Variants in C2orf92 observed in about 807,000 individuals in gnomAD.
C2orf92 encodes chromosome 2 open reading frame 92, also known as uncharacterized protein C2orf92.
At chr2:97,687,409 TACCACCACC>T (rs897502034) in intron 3 of C2orf92, among the ~76,000 whole-genome samples, 4 of 152,024 alleles carry the variant, frequency 2.6e-5, no homozygotes, top group East Asian at 1.9e-4. Flanking sequence ...AAGTGTATTT[TACCACCACC>T]ACCACCACCA....
intron 6 of C2orf92, 148 bp from the exon 7 acceptor site, chr2:97,701,006 C>T (rs1275591505): frequency 2.8e-6 from 1 of 359,276 alleles, no homozygotes. Flanking sequence ...GCTGGGATTA[C>T]AGGCGTGAGC....
At chr2:97,671,889 A>T (rs183000865) in intron 1 of C2orf92, 1 of 168,500 alleles carries the variant, frequency 5.9e-6, no homozygotes, top group Admixed American at 6.4e-5. Flanking sequence ...AACAATTGAG[A>T]CATTCCACAC....
upstream of C2orf92, among the ~76,000 whole-genome samples, chr2:97,666,592 C>G (rs1218808544): frequency 6.6e-6 from 1 of 151,152 alleles, no homozygotes; most frequent in Non-Finnish European, 1.5e-5. Flanking sequence ...CGTGTAATCC[C>G]AGTACTTGTG....
At chr2:97,683,463 G>A (rs1012789106) in intron 3 of C2orf92, among the ~76,000 whole-genome samples, 3 of 151,596 alleles carry the variant, frequency 2.0e-5, no homozygotes, top group Non-Finnish European at 4.4e-5. Context: ...CACTTGGGAG[G>A]CTGAGGCAAG....
At chr2:97,694,650 G>A (rs910830884) in intron 5 of C2orf92, 1 of 152,026 alleles carries the variant, frequency 6.6e-6, no homozygotes, top group African/African-American at 2.4e-5. Flanking sequence ...ATGGATATTT[G>A]GGTTGTTTCC....
At chr2:97,701,400 G>C (rs2104611457) in intron 7 of C2orf92, 96 bp downstream of exon 7, 2 of 393,896 alleles carry the variant, frequency 5.1e-6, no homozygotes, top group Middle Eastern at 6.4e-4. Context: ...TTACGAGGAG[G>C]GCAGAAGCTG....
chr2:97,676,764 T>G, intron 3 of C2orf92, among the ~76,000 whole-genome samples: 1 of 148,604 alleles, frequency 6.7e-6, no homozygotes, highest in East Asian at 1.9e-4. Flanking sequence ...AGAGCTGTAC[T>G]GTCTATTAAA....
At chr2:97,664,033 G>C (rs1449448801), upstream of C2orf92, 1 of 379,904 alleles carries the variant, frequency 2.6e-6, no homozygotes, top group African/African-American at 2.2e-5. Context: ...CGCGAGCCCC[G>C]CGGGGCTTTC....
In C2orf92 at chr2:97,701,240, A is replaced by G. The variant is rs1676486535; in HGVS notation, c.601A>G (p.Ile201Val). 1 of 399,108 alleles carries G rather than the reference A, an allele frequency of 2.5e-6. No homozygotes were observed. Among genetic ancestry groups the G allele is most frequent in the South Asian group, 1.3e-4 (1 of 7,858 alleles). 24.7% of individuals were successfully genotyped at this position (399,108 alleles called of 1,614,324 possible). A position where few individuals can be genotyped will look rare whatever the true frequency, so the allele number is the denominator to read the frequency against. ...TIIAAVSGVA[I>V]LMAIVLLLLG... ...CATCGCCGCCGTCTCAGGGGTGGCC[A>G]TCCTCATGGCCATCGTGCTGTTGCT... is the stretch of plus-strand genomic sequence containing the variant. The change falls in exon 7 of 8, where the codon ATC becomes GTC. Residue 201 changes from isoleucine (I) to valine (V), a missense_variant. Coordinates refer to ENST00000627399, the MANE Select transcript of C2orf92 (RefSeq NM_001351368.2).
intron 3 of C2orf92, among the ~76,000 whole-genome samples, chr2:97,688,371 G>A (rs1042576364): frequency 2.6e-5 from 4 of 152,136 alleles, no homozygotes; most frequent in Non-Finnish European, 5.9e-5. Context: ...AAAGCCTAGA[G>A]GGGAAGGTAA....
chr2:97,698,258 C>G (rs768331002), intron 5 of C2orf92, among the ~76,000 whole-genome samples: 14 of 152,198 alleles, frequency 9.2e-5, no homozygotes, highest in Non-Finnish European at 1.5e-4. Flanking sequence ...AGCCTCTTCC[C>G]AGGCCATCCT....
At chr2:97,683,896 G>A (rs1014672434) in intron 3 of C2orf92, among the ~76,000 whole-genome samples, 37 of 151,826 alleles carry the variant, frequency 2.4e-4, no homozygotes, top group Non-Finnish European at 4.1e-4. Context: ...TCACTCTGTC[G>A]CCCAGGCTGG....
At chr2:97,678,523 T>A (rs1415990129) in intron 3 of C2orf92, among the ~76,000 whole-genome samples, 1 of 151,968 alleles carries the variant, frequency 6.6e-6, no homozygotes, top group Non-Finnish European at 1.5e-5. Context: ...TAGCAAATTG[T>A]CAAAATCCAG....
chr2:97,691,956 CT>C (rs1242080723), intron 5 of C2orf92, among the ~76,000 whole-genome samples: 1 of 152,140 alleles, frequency 6.6e-6, no homozygotes, highest in Non-Finnish European at 1.5e-5. Flanking sequence ...ACTAGTTCCC[CT>C]TTTGCAGTTT....
chr2:97,699,749 C>T (rs1289970313), intron 6 of C2orf92, among the ~76,000 whole-genome samples: 1 of 152,256 alleles, frequency 6.6e-6, no homozygotes, highest in Non-Finnish European at 1.5e-5. Flanking sequence ...TGGGCAGAAG[C>T]TCACCCATGC....
At chr2:97,687,967 C>T (rs944857980) in intron 3 of C2orf92, among the ~76,000 whole-genome samples, 6 of 151,238 alleles carry the variant, frequency 4.0e-5, no homozygotes, top group Non-Finnish European at 8.8e-5. Flanking sequence ...TCTCTGAATT[C>T]GGCCCCATAT....
chr2:97,701,026 C>T (rs562844534), intron 6 of C2orf92, 128 bp from the exon 7 acceptor site: 86 of 382,150 alleles, frequency 2.3e-4, no homozygotes, highest in East Asian at 3.7e-4. Flanking sequence ...CCACCGCGCC[C>T]GGCCGAGATG....
chr2:97,665,162 A>T (rs1675165957), upstream of C2orf92, among the ~76,000 whole-genome samples: 1 of 152,192 alleles, frequency 6.6e-6, no homozygotes, highest in Non-Finnish European at 1.5e-5. Context: ...CAGCTGCTTC[A>T]AGAGTGCAGG....
At position 97,701,316 on chromosome 2, in the gene C2orf92, T is replaced by C. The variant is rs1021201829; in HGVS notation, c.665+12T>C. ...AAGAAACAGCCATCGTGCGTGGTGC[T>C]GGCATAACCTTCCTTCCAAGAACCC... On this transcript the variant is annotated intron_variant, in intron 7 of 7. Transcript: ENST00000627399. 81 of 398,822 alleles carry C rather than the reference T, an allele frequency of 2.0e-4. No homozygotes were observed. The highest frequency in any genetic ancestry group is 1.6e-3 in the African/African-American group (77 of 48,642). The allele number at this position is 398,822 out of a possible 1,614,324, so 24.7% of individuals were successfully genotyped here.
Sources: gnomAD v4.1 joint callset for allele counts (sites outside exome capture counted in the v4.1 genomes callset) on GRCh38, gnomAD v4.1.1 for gene constraint, MANE v1.5 for transcripts, NCBI Gene and HGNC (gene_info 2026-07-23, HGNC 2026-07-21) for gene names.